Variants in WWOX observed in about 807,000 individuals in gnomAD.
WWOX encodes the protein WW domain-containing oxidoreductase.
In WWOX, 69 loss-of-function variants were observed where a neutral mutation model predicts 46.2. The observed-to-expected ratio is 1.49, with a 90% CI of 1.23 to 1.82. The LOEUF (loss-of-function observed/expected upper bound fraction) is 1.82, where lower values mean the gene tolerates loss of function less well. WWOX is among the 40% of genes most tolerant of loss of function. The pLI is 0.00. For synonymous variants in WWOX, 359 were observed against 202.6 expected (o/e 1.77, Z -6.56); for missense variants, 919 against 542.6 (o/e 1.69, Z -6.89).
At chr16:78,972,360 C>T (rs750393684) in intron 8 of WWOX, among the ~76,000 whole-genome samples, 4 of 151,784 alleles carry the variant, frequency 2.6e-5, no homozygotes, top group Admixed American at 6.6e-5. Flanking sequence ...GTGAAGTGAG[C>T]GCCGTGTATT....
chr16:78,796,114 C>A (rs75892617), intron 8 of WWOX, among the ~76,000 whole-genome samples: 2 of 152,302 alleles, frequency 1.3e-5, no homozygotes, highest in Admixed American at 6.5e-5. Flanking sequence ...CTAGCTATCA[C>A]ATTTAGAAAC....
At chr16:78,991,762 G>A (rs1223692980) in intron 8 of WWOX, among the ~76,000 whole-genome samples, 13 of 152,026 alleles carry the variant, frequency 8.6e-5, no homozygotes, top group Non-Finnish European at 2.9e-5. Flanking sequence ...AAGGTGAGGG[G>A]CTTAACACAT....
At chr16:78,831,832 A>G (rs78852512) in intron 8 of WWOX, among the ~76,000 whole-genome samples, 2,636 of 152,314 alleles carry the variant, frequency 0.017, 71 homozygotes, top group African/African-American at 0.06. Flanking sequence ...GCCAAGCTAG[A>G]GTACAGTCTC....
chr16:79,046,694 G>T (rs1303967417), intron 8 of WWOX, among the ~76,000 whole-genome samples: 3 of 152,132 alleles, frequency 2.0e-5, no homozygotes, highest in Admixed American at 2.0e-4. Context: ...ATTTTGAACC[G>T]ACTCTGGTAG....
At chr16:78,819,687 G>A (rs2051439998) in intron 8 of WWOX, among the ~76,000 whole-genome samples, 1 of 152,156 alleles carries the variant, frequency 6.6e-6, no homozygotes, top group African/African-American at 2.4e-5. Context: ...TTCTTTCCTG[G>A]GCAAAGCCAA....
At chr16:78,857,131 G>T (rs920262438) in intron 8 of WWOX, among the ~76,000 whole-genome samples, 10 of 152,214 alleles carry the variant, frequency 6.6e-5, no homozygotes, top group Non-Finnish European at 1.5e-4. Flanking sequence ...GTGTGATAGT[G>T]CTTAAATAAT....
At chr16:79,165,585 C>T (rs765641153) in intron 8 of WWOX, among the ~76,000 whole-genome samples, 1 of 152,162 alleles carries the variant, frequency 6.6e-6, no homozygotes, top group Non-Finnish European at 1.5e-5. Context: ...TCTGTTCCCT[C>T]TTTGCTAGTT....
chr16:79,184,353 G>A lies in WWOX; in HGVS notation c.1057-27255G>A, dbSNP rs79082273. Reference sequence around the variant, plus strand: ...TGAACACCCATCACTGTGACAGACAGTGGCAATGCATGTAGGAACAAAGTG... The same window carrying A: ...TGAACACCCATCACTGTGACAGACAATGGCAATGCATGTAGGAACAAAGTG... On this transcript the variant is annotated intron_variant, in intron 8 of 8. Coordinates refer to ENST00000566780, the MANE Select transcript of WWOX (RefSeq NM_016373.4). Among the ~76,000 whole-genome samples, 699 of 152,318 alleles carry A rather than the reference G, an allele frequency of 4.6e-3. 3 individuals are homozygous for A. Among genetic ancestry groups the A allele is most frequent in the Admixed American group, 9.1e-3 (140 of 15,306 alleles).
At chr16:78,706,385 C>T (rs1416798965) in intron 8 of WWOX, among the ~76,000 whole-genome samples, 1 of 152,112 alleles carries the variant, frequency 6.6e-6, no homozygotes, top group Non-Finnish European at 1.5e-5. Context: ...ATGCCTTCTC[C>T]AGGAATCTCT....
chr16:78,962,828 A>G (rs1172869194), intron 8 of WWOX, among the ~76,000 whole-genome samples: 1 of 152,224 alleles, frequency 6.6e-6, no homozygotes, highest in Non-Finnish European at 1.5e-5. Context: ...ATTAAGAGGT[A>G]ACCACTATTC....
intron 8 of WWOX, among the ~76,000 whole-genome samples, chr16:78,689,440 C>G (rs888055099): frequency 2.6e-5 from 4 of 152,202 alleles, no homozygotes; most frequent in Middle Eastern, 3.2e-3. Flanking sequence ...GAATCCTTGA[C>G]CAAACTTTAG....
At chr16:78,636,414 G>C (rs991879228) in intron 8 of WWOX, among the ~76,000 whole-genome samples, 17 of 152,136 alleles carry the variant, frequency 1.1e-4, no homozygotes, top group African/African-American at 3.9e-4. Context: ...TTACAGTAGA[G>C]GCATCCAGTT....
intron 8 of WWOX, among the ~76,000 whole-genome samples, chr16:78,788,145 C>G (rs184021689): frequency 3.3e-5 from 5 of 152,222 alleles, no homozygotes; most frequent in South Asian, 2.1e-4. Context: ...GATTTTAAAT[C>G]TTGATGAAGT....
At chr16:78,801,783 G>A (rs150650191) in intron 8 of WWOX, among the ~76,000 whole-genome samples, 47 of 152,270 alleles carry the variant, frequency 3.1e-4, no homozygotes, top group Non-Finnish European at 6.5e-4. Context: ...TTCAGACAAA[G>A]GGACATTTCA....
intron 8 of WWOX, among the ~76,000 whole-genome samples, chr16:79,144,622 G>C (rs1214001955): frequency 6.6e-6 from 1 of 151,838 alleles, no homozygotes; most frequent in Non-Finnish European, 1.5e-5. Context: ...ATATTTCTTA[G>C]GGAGGAAAAA....
chr16:78,357,799 T>G (rs987379279), intron 5 of WWOX, among the ~76,000 whole-genome samples: 2 of 152,182 alleles, frequency 1.3e-5, no homozygotes, highest in African/African-American at 4.8e-5. Context: ...TTATTCCCAT[T>G]TCACCCGATC....
intron 4 of WWOX, among the ~76,000 whole-genome samples, chr16:78,154,880 G>C (rs1295856509): frequency 2.0e-5 from 3 of 152,170 alleles, no homozygotes; most frequent in Non-Finnish European, 4.4e-5. Flanking sequence ...CTTGAGTCAT[G>C]TCTGTAGCAA....
rs528004553 is a variant in WWOX, at chr16:78,556,262, A to G, written c.1056+123510A>G. The stretch of plus-strand genomic sequence containing the variant: ...AACAGGGTACTTTCCCTCCTCCTCT[A>G]AAAAAAAAAAAAAAGAAAAAATCCA... On this transcript the variant is annotated intron_variant, in intron 8 of 8. Transcript: ENST00000566780. Among the ~76,000 whole-genome samples, 6 of 116,180 alleles carry G rather than the reference A, an allele frequency of 5.2e-5. No individual in the cohort carries two copies. In the East Asian group the frequency reaches 6.7e-4, roughly 13 times the overall value. The allele number at this position is 116,180 out of a possible 152,430, so 76.2% of individuals were successfully genotyped here.
intron 5 of WWOX, among the ~76,000 whole-genome samples, chr16:78,327,685 A>T (rs2080658062): frequency 6.6e-6 from 1 of 152,022 alleles, no homozygotes; most frequent in Non-Finnish European, 1.5e-5. Context: ...TGGTTTTCTC[A>T]GTAGATGCTT....
Sources: gnomAD v4.1 joint callset for allele counts (sites outside exome capture counted in the v4.1 genomes callset) on GRCh38, gnomAD v4.1.1 for gene constraint, MANE v1.5 for transcripts, NCBI Gene and HGNC (gene_info 2026-07-23, HGNC 2026-07-21) for gene names.